The following ESF1 variants were observed in gnomAD, a reference collection of about 807,000 sequenced individuals.
ESF1 encodes ESF1 nucleolar pre-rRNA processing protein.
In ESF1, 58 loss-of-function variants were observed where a neutral mutation model predicts 92.0. The ratio of observed to expected loss-of-function variants is 0.63; its 90% CI spans 0.51 to 0.78. The LOEUF (loss-of-function observed/expected upper bound fraction) is 0.78. ESF1 is among the 30% of genes least tolerant of loss of function. The pLI is 0.00. For missense variants in ESF1, 922 were observed against 989.1 expected, an observed-to-expected ratio of 0.93 and a Z score of 0.91; for synonymous variants, 321 against 313.7, an observed-to-expected ratio of 1.02 and a Z score of -0.24.
At chr20:13,774,455 T>C (rs1285697831) in intron 4 of ESF1, among the ~76,000 whole-genome samples, 1 of 152,210 alleles carries the variant, frequency 6.6e-6, no homozygotes, top group Non-Finnish European at 1.5e-5. Context: ...GGAGACTCAA[T>C]CTCTAATAAT....
chr20:13,718,197 T>C (rs937123450), intron 12 of ESF1, among the ~76,000 whole-genome samples: 1 of 152,228 alleles, frequency 6.6e-6, no homozygotes, highest in South Asian at 2.1e-4. Context: ...ACTGCCTTAA[T>C]TTCCTTTTGT....
In ESF1 at chr20:13,782,560, T is replaced by C. The variant is rs1239369384; in HGVS notation, c.581A>G (p.Glu194Gly). The C allele has an allele frequency of 1.9e-6, 3 of 1,573,556 alleles. No individual in the cohort carries two copies. In the East Asian group the frequency reaches 6.9e-5, roughly 36 times the overall value. Residue 194 changes from glutamate to glycine, a missense_variant, in exon 2 of 14, where the codon GAA becomes GGA. Glu to Gly is a moderately conservative substitution (Grantham distance 98). Coordinates refer to ENST00000617257, the MANE Select transcript of ESF1 (RefSeq NM_001276380.2). ...KQRTLDSGTS[E>G]IVKSPRIECS... ...CTCGATTCTGGGAGATTTCACAATT[T>C]CAGAGGTGCCTGAGTCTAATGTCCT...
At chr20:13,755,202 T>C (rs1236523102) in intron 9 of ESF1, among the ~76,000 whole-genome samples, 5 of 152,176 alleles carry the variant, frequency 3.3e-5, no homozygotes, top group Non-Finnish European at 1.5e-5. Context: ...TGGGGTTCTG[T>C]AGAGTGCTGA....
chr20:13,715,087 C>T lies in ESF1; in HGVS notation c.2343G>A (p.Lys781=), dbSNP rs757865963. 4 of 1,612,526 alleles carry T rather than the reference C, an allele frequency of 2.5e-6. No homozygotes were observed. The highest frequency in any genetic ancestry group is 3.4e-6 in the Non-Finnish European group (4 of 1,179,762). The part of the protein sequence containing the change: ...FNLDPSDPNF[K]KTKAMEKILE... ...GGATTTTTTCCATAGCTTTTGTTTT[C>T]TTGAAATTGGGATCTGAGGGGTCCA... Residue 781 remains lysine, a synonymous_variant, in exon 14 of 14, where the codon AAG becomes AAA. Coordinates refer to ENST00000617257, the MANE Select transcript of ESF1 (RefSeq NM_001276380.2).
rs769051619 is a variant in ESF1 at position 13,766,998 on chromosome 20, C to G, written c.1519-74G>C. 793 of 1,401,366 alleles carry G rather than the reference C, an allele frequency of 5.7e-4. 1 individual carries two copies. The highest frequency in any genetic ancestry group is 7.2e-4 in the Non-Finnish European group (736 of 1,025,904). The allele number at this position is 1,401,366 out of a possible 1,614,324, so 86.8% of individuals were successfully genotyped here. On this transcript the variant is annotated intron_variant, in intron 7 of 13. Coordinates refer to ENST00000617257, the MANE Select transcript of ESF1 (RefSeq NM_001276380.2). Reference sequence around the variant, plus strand: ...GCTCAAACTTGTTAAAGAATATATACTATTAACCTGGATGTTTAACAGTAA... The same window carrying G: ...GCTCAAACTTGTTAAAGAATATATAGTATTAACCTGGATGTTTAACAGTAA...
chr20:13,781,131 G>A (rs1368586718), intron 2 of ESF1, among the ~76,000 whole-genome samples: 5 of 151,954 alleles, frequency 3.3e-5, no homozygotes, highest in South Asian at 2.1e-4. Flanking sequence ...CATCTTTTAC[G>A]GCACTTACTA....
rs563260105 is a variant in ESF1 at position 13,734,496 on chromosome 20, T to C, written c.1829-654A>G. ...CTCTTTCAATGCTGCTATTTGCTCT[T>C]ATATTTCATCTCAAAAGGTCTTTCT... On this transcript the variant is annotated intron_variant, in intron 9 of 13. Transcript: ENST00000617257. Among the ~76,000 whole-genome samples the C allele has an allele frequency of 1.1e-4, 16 of 152,338 alleles. 1 individual carries two copies. In the South Asian group the frequency reaches 3.3e-3, roughly 32 times the overall value.
chr20:13,761,042 ATTC>A (rs946842606), intron 8 of ESF1, among the ~76,000 whole-genome samples: 61 of 152,048 alleles, frequency 4.0e-4, no homozygotes, highest in African/African-American at 1.4e-3. Context: ...ACTAAGAAAA[ATTC>A]TTCTGCCTTG....
At chr20:13,767,246 G>A (rs1215924483) in intron 7 of ESF1, among the ~76,000 whole-genome samples, 1 of 152,134 alleles carries the variant, frequency 6.6e-6, no homozygotes, top group Admixed American at 6.6e-5. Flanking sequence ...AACATTATGG[G>A]CCAGGCATGG....
intron 2 of ESF1, among the ~76,000 whole-genome samples, chr20:13,776,785 G>A (rs1300950684): frequency 1.3e-5 from 2 of 152,186 alleles, no homozygotes; most frequent in Non-Finnish European, 2.9e-5. Context: ...CTTGAAGGAT[G>A]AACAGGAGTT....
chr20:13,751,010 G>A (rs1201916361), intron 9 of ESF1, among the ~76,000 whole-genome samples: 1 of 152,144 alleles, frequency 6.6e-6, no homozygotes, highest in Non-Finnish European at 1.5e-5. Context: ...GAAGAGACAC[G>A]AAGATGCTAT....
intron 2 of ESF1, among the ~76,000 whole-genome samples, chr20:13,781,808 T>G (rs376067883): frequency 5.3e-5 from 8 of 152,316 alleles, no homozygotes; most frequent in African/African-American, 1.7e-4. Flanking sequence ...CTGAACAAAT[T>G]AATGAATGAG....
In ESF1 at chr20:13,745,853, G is replaced by A. The variant is rs578249135; in HGVS notation, c.1829-12011C>T. Among the ~76,000 whole-genome samples, 3 of 152,296 alleles carry A rather than the reference G, an allele frequency of 2.0e-5. No individual in the cohort carries two copies. The East Asian group carries it at 5.8e-4, about 29-fold the overall frequency. Reference sequence around the variant, plus strand: ...ACTACAAAATAGACTATTAGGAATAGATGTATCTGCGGTAAAACTATATAG... The same window carrying A: ...ACTACAAAATAGACTATTAGGAATAAATGTATCTGCGGTAAAACTATATAG... On this transcript the variant is annotated intron_variant, in intron 9 of 13. Coordinates refer to ENST00000617257, the MANE Select transcript of ESF1 (RefSeq NM_001276380.2).
intron 8 of ESF1, among the ~76,000 whole-genome samples, chr20:13,764,329 A>G (rs113848931): frequency 0.015 from 2,222 of 152,354 alleles, 26 homozygotes; most frequent in Non-Finnish European, 0.025. Flanking sequence ...AAAAGTTGAC[A>G]TGAAATTACA....
intron 9 of ESF1, among the ~76,000 whole-genome samples, chr20:13,748,559 T>TAC (rs1978419439): frequency 2.3e-5 from 1 of 44,070 alleles, no homozygotes; most frequent in Admixed American, 3.2e-4. Context: ...TATATATATA[T>TAC]ATATATGTGT....
chr20:13,716,532 CAA>C (rs1252903991), intron 13 of ESF1, among the ~76,000 whole-genome samples: 12 of 151,984 alleles, frequency 7.9e-5, no homozygotes, highest in Admixed American at 7.9e-4. Context: ...GGTGCTCAAC[CAA>C]AGAAACAATG....
intron 8 of ESF1, among the ~76,000 whole-genome samples, chr20:13,760,429 C>T (rs1335455827): frequency 1.2e-4 from 17 of 144,358 alleles, no homozygotes; most frequent in South Asian, 1.1e-3. Context: ...GTGTGAGGAG[C>T]GCCTCTGCCC....
chr20:13,771,208 T>C (rs1979665956), intron 6 of ESF1, 123 bp downstream of exon 6: 1 of 873,040 alleles, frequency 1.1e-6, no homozygotes, highest in East Asian at 2.5e-5. Context: ...GGGATAGAGT[T>C]AACCGAAAAG....
At chr20:13,746,857 AT>A (rs1600278075) in intron 9 of ESF1, among the ~76,000 whole-genome samples, 2 of 152,180 alleles carry the variant, frequency 1.3e-5, no homozygotes, top group Admixed American at 6.5e-5. Flanking sequence ...CAATCTAAAT[AT>A]TTTCTTCCAT....
Sources: allele counts gnomAD v4.1 joint callset (sites outside exome capture counted in the v4.1 genomes callset), GRCh38; gene constraint gnomAD v4.1.1; transcripts MANE v1.5; gene names NCBI Gene and HGNC (gene_info 2026-07-23, HGNC 2026-07-21).